CHRNB2: variants seen among roughly 807,000 people sequenced by gnomAD.
The protein encoded by CHRNB2 is neuronal acetylcholine receptor subunit beta-2.
Under a neutral mutation model 42.7 loss-of-function variants are expected in CHRNB2, and 33 were observed. The observed-to-expected ratio is 0.77, with a 90% CI of 0.59 to 1.03. The LOEUF is 1.03. Ranked by LOEUF, CHRNB2 falls within the 50% of genes least tolerant of loss-of-function variation. CHRNB2 has a pLI of 0.00. For synonymous variants in CHRNB2, 325 were observed against 292.9 expected, an observed-to-expected ratio of 1.11 and a Z score of -1.12; for missense variants, 603 against 700.9, an observed-to-expected ratio of 0.86 and a Z score of 1.58.
chr1:154,571,850 C>T lies in CHRNB2; in HGVS notation c.1027C>T (p.Leu343=), dbSNP rs201328638. 2 of 1,609,694 alleles carry T rather than the reference C, an allele frequency of 1.2e-6. No individual in the cohort carries two copies. Among genetic ancestry groups the T allele is most frequent in the Middle Eastern group, 1.7e-4 (1 of 6,056 alleles). ...PWVKVVFLEK[L]PALLFMQQPR... is the part of the protein sequence containing the mutation. Reference sequence around the variant, plus strand: ...GGTGAAGGTCGTCTTCCTGGAGAAGCTGCCCGCGCTGCTCTTCATGCAGCA... The same window carrying T: ...GGTGAAGGTCGTCTTCCTGGAGAAGTTGCCCGCGCTGCTCTTCATGCAGCA... Residue 343 remains leucine (L), a synonymous_variant, in exon 5 of 6, where the codon CTG becomes TTG. Coordinates refer to ENST00000368476, the MANE Select transcript of CHRNB2 (RefSeq NM_000748.3). This position sits in a 1 kb window ranked among gnomAD's most constrained non-coding sequence, Gnocchi z 6.8.
Position 154,576,442 on chromosome 1 carries a change from T to G in CHRNB2, c.*510T>G. The G allele has an allele frequency of 4.1e-6, 1 of 243,964 alleles. No homozygotes were observed. Among genetic ancestry groups the G allele is most frequent in the Non-Finnish European group, 8.2e-6 (1 of 122,198 alleles). 15.1% of individuals were successfully genotyped at this position (243,964 alleles called of 1,614,324 possible). A position where few individuals can be genotyped will look rare whatever the true frequency, so the allele number is the denominator to read the frequency against. ...TGCCGCTGCTTGAGTGGACAGCAGCTGGACTGGGTGGGCCCCACAGTGGTC... is the reference window on the plus strand; with the variant it reads ...TGCCGCTGCTTGAGTGGACAGCAGCGGGACTGGGTGGGCCCCACAGTGGTC... On this transcript the variant is annotated 3_prime_UTR_variant, in exon 6 of 6. Coordinates refer to ENST00000368476, the MANE Select transcript of CHRNB2 (RefSeq NM_000748.3).
intron 1 of CHRNB2, among the ~76,000 whole-genome samples, 167 bp downstream of exon 1, chr1:154,568,275 C>T (rs1696098694): frequency 6.6e-6 from 1 of 152,200 alleles, no homozygotes; most frequent in Non-Finnish European, 1.5e-5. Context: ...CTGCAGAGAG[C>T]ACCTGGGAGG....
At chr1:154,568,364 T>A (rs1571019413) in intron 1 of CHRNB2, among the ~76,000 whole-genome samples, 2 of 151,710 alleles carry the variant, frequency 1.3e-5, no homozygotes, top group African/African-American at 4.8e-5. Flanking sequence ...GTGGTAGGGG[T>A]GGTGCAGGCA....
Position 154,571,726 on chromosome 1 carries a change from C to T in CHRNB2, c.903C>T (p.Leu301=). ...ACGTGCCGCTCGTCGGCAAGTACCT[C>T]ATGTTCACCATGGTGCTTGTCACCT... The part of the protein sequence containing the change: ...SLDVPLVGKY[L]MFTMVLVTFS... The change falls in exon 5 of 6, where the codon CTC becomes CTT. Residue 301 remains leucine (L), a synonymous_variant. Coordinates refer to ENST00000368476, the MANE Select transcript of CHRNB2 (RefSeq NM_000748.3). The surrounding 1 kb of genome is among the most constrained non-coding windows in gnomAD (Gnocchi z 6.8). 1 of 1,614,250 alleles carries T rather than the reference C, an allele frequency of 6.2e-7. No homozygotes were observed. Among genetic ancestry groups the T allele is most frequent in the Non-Finnish European group, 8.5e-7 (1 of 1,180,054 alleles).
chr1:154,570,368 G>C lies in CHRNB2; in HGVS notation c.365+1G>C, dbSNP rs1372468157. On this transcript the variant is annotated splice_donor_variant, in intron 4 of 5. Transcript: ENST00000368476. LOFTEE classifies it high-confidence loss of function. Reference sequence around the variant, plus strand: ...TCCCAGATGTGGTCCTGTACAACAAGTAGGTGCAATGGGAAGGTTGGGGGA... The same window carrying C: ...TCCCAGATGTGGTCCTGTACAACAACTAGGTGCAATGGGAAGGTTGGGGGA... 2 of 1,588,258 alleles carry C rather than the reference G, an allele frequency of 1.3e-6. No homozygotes were observed. The highest frequency in any genetic ancestry group is 2.7e-5 in the African/African-American group (2 of 74,402).
Position 154,569,538 on chromosome 1 carries a change from C to T in CHRNB2, c.141C>T (p.Arg47=), listed in dbSNP as rs1422581645. Residue 47 remains arginine (R), a synonymous_variant, in exon 2 of 6, where the codon CGC becomes CGT. Transcript: ENST00000368476. ...LDPSRYNKLI[R]PATNGSELVT... is the part of the protein sequence containing the mutation. The stretch of plus-strand genomic sequence containing the variant: ...CTTCCCGCTACAACAAGCTTATCCG[C>T]CCAGCCACCAATGGCTCTGAGCTGG... The T allele has an allele frequency of 2.5e-6, 4 of 1,613,992 alleles. No homozygotes were observed. The highest frequency in any genetic ancestry group is 3.4e-6 in the Non-Finnish European group (4 of 1,180,012).
chr1:154,576,125 AACT>A lies in CHRNB2; in HGVS notation c.*194_*196del, dbSNP rs1571026914. ...GCAGCTCCAACCTGGAGGCTGGACC[AACT>A]GCTTTGTTTTGGCTGCTCTCCATCT... On this transcript the variant is annotated 3_prime_UTR_variant, in exon 6 of 6. Coordinates refer to ENST00000368476, the MANE Select transcript of CHRNB2 (RefSeq NM_000748.3). 1.2e-4 allele frequency: 79 copies of A among 673,728 alleles called. 1 individual carries two copies. In the East Asian group the frequency reaches 2.1e-3, roughly 18 times the overall value. The allele number at this position is 673,728 out of a possible 1,614,324, so 41.7% of individuals were successfully genotyped here.
chr1:154,571,084 C>A lies in CHRNB2; in HGVS notation c.366-105C>A. On this transcript the variant is annotated intron_variant, in intron 4 of 5. Transcript: ENST00000368476. This position sits in a 1 kb window ranked among gnomAD's most constrained non-coding sequence, Gnocchi z 6.8. ...TACTCTCAGATCTGGGTGTCCCCTC[C>A]CCATGTCTCCCTCTGGTTTTGCTCT... 1 of 1,606,202 alleles carries A rather than the reference C, an allele frequency of 6.2e-7. No homozygotes were observed.
At chr1:154,573,126 T>C (rs1696209504) in intron 5 of CHRNB2, among the ~76,000 whole-genome samples, 1 of 152,036 alleles carries the variant, frequency 6.6e-6, no homozygotes, top group Non-Finnish European at 1.5e-5. Flanking sequence ...CAGCAGGAGA[T>C]GGGTTGGAGC....
chr1:154,567,803 T>G lies in CHRNB2; in HGVS notation c.-242T>G. 6.9e-6 allele frequency: 3 copies of G among 431,780 alleles called. No homozygotes were observed. The highest frequency in any genetic ancestry group is 8.1e-6 in the Non-Finnish European group (2 of 247,000). The allele number at this position is 431,780 out of a possible 1,614,324, so 26.7% of individuals were successfully genotyped here. On this transcript the variant is annotated 5_prime_UTR_variant, in exon 1 of 6. Transcript: ENST00000368476. ...AGACTCCTCCCCCTCACCGTCCCAA[T>G]TGTATTCCCTGGAAGAGCAGCCGGA... is the stretch of plus-strand genomic sequence containing the variant.
rs141735618 is a variant in CHRNB2, at chr1:154,571,869, T to A, written c.1046T>A (p.Met349Lys). 6.2e-7 allele frequency: 1 copy of A among 1,603,882 alleles called. No homozygotes were observed. Among genetic ancestry groups the A allele is most frequent in the Non-Finnish European group, 8.5e-7 (1 of 1,177,408 alleles). Residue 349 changes from methionine to lysine, a missense_variant, in exon 5 of 6, where the codon ATG becomes AAG. Physicochemically the swap from Met to Lys is moderately conservative, Grantham distance 95. Transcript: ENST00000368476. The surrounding 1 kb of genome is among the most constrained non-coding windows in gnomAD (Gnocchi z 6.8). ...FLEKLPALLF[M>K]QQPRHHCARQ... Reference sequence around the variant, plus strand: ...GAGAAGCTGCCCGCGCTGCTCTTCATGCAGCAGCCACGCCATCATTGCGCC... The same window carrying A: ...GAGAAGCTGCCCGCGCTGCTCTTCAAGCAGCAGCCACGCCATCATTGCGCC...
chr1:154,569,255 T>C (rs1347974659), intron 1 of CHRNB2, among the ~76,000 whole-genome samples: 3 of 150,834 alleles, frequency 2.0e-5, no homozygotes, highest in Admixed American at 2.0e-4. Context: ...CTGTGTAGAC[T>C]CTTTGGTCAG....
chr1:154,571,481 A>G lies in CHRNB2; in HGVS notation c.658A>G (p.Thr220Ala). 1.9e-6 allele frequency: 3 copies of G among 1,613,998 alleles called. No individual in the cohort carries two copies. Among genetic ancestry groups the G allele is most frequent in the Non-Finnish European group, 1.7e-6 (2 of 1,179,998 alleles). Residue 220 changes from threonine (T) to alanine (A), a missense_variant, in exon 5 of 6, where the codon ACG becomes GCG. Physicochemically the swap from Thr to Ala is moderately conservative, Grantham distance 58. Around this residue, in one of 2 missense-constraint regions of CHRNB2, gnomAD observed 333 missense variants for 452.6 expected, o/e 0.74. Coordinates refer to ENST00000368476, the MANE Select transcript of CHRNB2 (RefSeq NM_000748.3). This position sits in a 1 kb window ranked among gnomAD's most constrained non-coding sequence, Gnocchi z 6.8. The stretch of plus-strand genomic sequence containing the variant: ...GCGCAACGAGAACCCCGACGACTCT[A>G]CGTACGTGGACATCACGTATGACTT... ...GRRNENPDDS[T>A]YVDITYDFII...
Position 154,577,612 on chromosome 1 carries a change from T to A in CHRNB2, c.*1680T>A, listed in dbSNP as rs1399393439. The A allele has an allele frequency of 1.3e-5, 2 of 152,330 alleles. No homozygotes were observed. Among genetic ancestry groups the A allele is most frequent in the African/African-American group, 4.8e-5 (2 of 41,454 alleles). 9.4% of individuals were successfully genotyped at this position (152,330 alleles called of 1,614,324 possible). On this transcript the variant is annotated 3_prime_UTR_variant, in exon 6 of 6. Coordinates refer to ENST00000368476, the MANE Select transcript of CHRNB2 (RefSeq NM_000748.3). ...CACAGAGTAGATGCTTCATGAATGT[T>A]GAGTCTGACAGGCAACTGGAGCTGG... is the stretch of plus-strand genomic sequence containing the variant.
chr1:154,574,116 C>T (rs1696226757), intron 5 of CHRNB2, among the ~76,000 whole-genome samples: 1 of 152,188 alleles, frequency 6.6e-6, no homozygotes, highest in Admixed American at 6.5e-5. Context: ...ACATGGGTCC[C>T]TCTGCCTGGG....
chr1:154,571,613 GAGA>G lies in CHRNB2; in HGVS notation c.794_796del (p.Lys265del). On this transcript the variant is annotated inframe_deletion, in exon 5 of 6. Coordinates refer to ENST00000368476, the MANE Select transcript of CHRNB2 (RefSeq NM_000748.3). The surrounding 1 kb of genome is among the most constrained non-coding windows in gnomAD (Gnocchi z 6.8). Reference sequence around the variant, plus strand: ...CTTCTACCTGCCATCCGACTGTGGCGAGAAGATGACGTTGTGCATCTCAGTGCT... The same window carrying G: ...CTTCTACCTGCCATCCGACTGTGGCGAGATGACGTTGTGCATCTCAGTGCT... The G allele has an allele frequency of 2.5e-6, 4 of 1,614,192 alleles. No individual in the cohort carries two copies. The highest frequency in any genetic ancestry group is 2.5e-6 in the Non-Finnish European group (3 of 1,180,038).
rs77710036 is a variant in CHRNB2 at position 154,572,096 on chromosome 1, C to T, written c.1273C>T (p.Arg425Trp). The change falls in exon 5 of 6, where the codon CGG becomes TGG. Residue 425 changes from arginine (R) to tryptophan (W), a missense_variant. By Grantham distance (101) the Arg-to-Trp change is moderately radical (BLOSUM62 -3). Coordinates refer to ENST00000368476, the MANE Select transcript of CHRNB2 (RefSeq NM_000748.3). ...RSGEPCGCGL[R>W]EAVDGVRFIA... Reference sequence around the variant, plus strand: ...AGGGGAGCCGTGTGGCTGTGGCCTCCGGGAGGCGGTGGACGGCGTGCGCTT... The same window carrying T: ...AGGGGAGCCGTGTGGCTGTGGCCTCTGGGAGGCGGTGGACGGCGTGCGCTT... 1.8e-5 allele frequency: 28 copies of T among 1,536,524 alleles called. No homozygotes were observed. The highest frequency in any genetic ancestry group is 4.1e-5 in the African/African-American group (3 of 73,000).
In CHRNB2 at chr1:154,576,946, C is replaced by T. The variant is rs199542459; in HGVS notation, c.*1014C>T. 2 of 152,228 alleles carry T rather than the reference C, an allele frequency of 1.3e-5. No individual in the cohort carries two copies. The highest frequency in any genetic ancestry group is 6.5e-5 in the Admixed American group (1 of 15,280). The allele number at this position is 152,228 out of a possible 1,614,324, so 9.4% of individuals were successfully genotyped here. ...CCCCACTTTGAACTGACTGGTTACTCTAAGGAAGTGAACTGAGGATGTTAG... is the reference window on the plus strand; with the variant it reads ...CCCCACTTTGAACTGACTGGTTACTTTAAGGAAGTGAACTGAGGATGTTAG... On this transcript the variant is annotated 3_prime_UTR_variant, in exon 6 of 6. Transcript: ENST00000368476.
rs1557854385 is a variant in CHRNB2 at position 154,576,969 on chromosome 1, TAGCTTTA to T, written c.*1041_*1047del. Reference sequence around the variant, plus strand: ...CTCTAAGGAAGTGAACTGAGGATGTTAGCTTTAAGCCAACCCAGCCTCTTTGTCCACA... The same window carrying T: ...CTCTAAGGAAGTGAACTGAGGATGTTAGCCAACCCAGCCTCTTTGTCCACA... On this transcript the variant is annotated 3_prime_UTR_variant, in exon 6 of 6. Coordinates refer to ENST00000368476, the MANE Select transcript of CHRNB2 (RefSeq NM_000748.3). 1.3e-5 allele frequency: 2 copies of T among 152,246 alleles called. No homozygotes were observed. The highest frequency in any genetic ancestry group is 6.5e-5 in the Admixed American group (1 of 15,270). 9.4% of individuals were successfully genotyped at this position (152,246 alleles called of 1,614,324 possible). A position where few individuals can be genotyped will look rare whatever the true frequency, so the allele number is the denominator to read the frequency against.
Sources: allele counts gnomAD v4.1 joint callset (sites outside exome capture counted in the v4.1 genomes callset), GRCh38; gene constraint gnomAD v4.1.1; regional missense constraint gnomAD v4.1.1; non-coding constraint Gnocchi (gnomAD v3.1); transcripts MANE v1.5; gene names NCBI Gene and HGNC (gene_info 2026-07-23, HGNC 2026-07-21).